HERC6: variants seen among roughly 807,000 people sequenced by gnomAD.
HERC6 encodes the protein HECT and RLD domain containing E3 ubiquitin protein ligase family member 6.
In HERC6, 101 loss-of-function variants were observed where a neutral mutation model predicts 114.5. The observed-to-expected ratio is 0.88, with a 90% CI of 0.75 to 1.04. The LOEUF (loss-of-function observed/expected upper bound fraction) is 1.04. HERC6 is among the 50% of genes least tolerant of loss of function. The pLI is 0.00. For synonymous variants in HERC6, 408 were observed against 436.2 expected (o/e 0.94, Z 0.81); for missense variants, 1,133 against 1,230.9 (o/e 0.92, Z 1.19).
Position 88,424,696 on chromosome 4 carries a change from G to A in HERC6, c.1929G>A (p.Lys643=), listed in dbSNP as rs1435983531. 1 of 1,583,984 alleles carries A rather than the reference G, an allele frequency of 6.3e-7. No homozygotes were observed. The highest frequency in any genetic ancestry group is 8.7e-7 in the Non-Finnish European group (1 of 1,155,540). ...IKLLQADSHI[K]MQMSEKKAYM... ...TATTGCAAGCTGATTCACATATAAA[G>A]ATGCAGGTATGTATGTCCTATTTTT... The change falls in exon 15 of 23, where the codon AAG becomes AAA. Residue 643 remains lysine, a synonymous_variant. Coordinates refer to ENST00000264346, the MANE Select transcript of HERC6 (RefSeq NM_017912.4).
rs1247719089 is a variant in HERC6 at position 88,435,866 on chromosome 4, A to C, written c.2392A>C (p.Lys798Gln). Residue 798 changes from lysine to glutamine, a missense_variant, in exon 18 of 23, where the codon AAA (lysine) becomes CAA (glutamine). By Grantham distance (53) the Lys-to-Gln change is moderately conservative. Around this residue, in one of 3 missense-constraint regions of HERC6, gnomAD observed 388 missense variants for 445.9 expected, o/e 0.87. Coordinates refer to ENST00000264346, the MANE Select transcript of HERC6 (RefSeq NM_017912.4). ...LDQKPSLEDL[K>Q]ELSPRLGKSL... ...CCAAAAGCCATCATTGGAAGATTTA[A>C]AAGAACTCAGTCCTCGGTTGGGGAA... 1 of 1,609,410 alleles carries C rather than the reference A, an allele frequency of 6.2e-7. No individual in the cohort carries two copies. The highest frequency in any genetic ancestry group is 1.3e-5 in the African/African-American group (1 of 74,682).
intron 4 of HERC6, among the ~76,000 whole-genome samples, chr4:88,391,313 T>A (rs144857637): frequency 1.4e-4 from 22 of 152,354 alleles, no homozygotes; most frequent in African/African-American, 4.1e-4. Flanking sequence ...CATAGACTCT[T>A]CTGCCTCCCT....
intron 13 of HERC6, among the ~76,000 whole-genome samples, chr4:88,423,642 C>T (rs1737299858): frequency 6.6e-6 from 1 of 152,186 alleles, no homozygotes; most frequent in Non-Finnish European, 1.5e-5. Context: ...TCCACACTGT[C>T]AGCGTCTTAT....
intron 4 of HERC6, among the ~76,000 whole-genome samples, chr4:88,392,389 C>T (rs1734969070): frequency 6.6e-6 from 1 of 150,866 alleles, no homozygotes; most frequent in African/African-American, 2.4e-5. Context: ...GGGGTTTCAC[C>T]ATGTTGCCCA....
At chr4:88,397,777 T>C (rs1290140907) in intron 7 of HERC6, among the ~76,000 whole-genome samples, 1 of 152,100 alleles carries the variant, frequency 6.6e-6, no homozygotes, top group African/African-American at 2.4e-5. Flanking sequence ...AACAATACAC[T>C]TTTTTTCCAT....
chr4:88,388,569 A>G (rs887164311), intron 3 of HERC6, among the ~76,000 whole-genome samples: 112 of 145,760 alleles, frequency 7.7e-4, no homozygotes, highest in African/African-American at 2.8e-3. Flanking sequence ...AAAAAAAAAA[A>G]GACAGATTAA....
intron 15 of HERC6, among the ~76,000 whole-genome samples, chr4:88,426,918 A>C (rs1737699550): frequency 6.6e-6 from 1 of 152,162 alleles, no homozygotes; most frequent in Non-Finnish European, 1.5e-5. Context: ...TTCCTTTCCA[A>C]ACCTAACTTT....
chr4:88,398,389 C>G, intron 8 of HERC6, 180 bp downstream of exon 8: 2 of 424,162 alleles, frequency 4.7e-6, no homozygotes, highest in Non-Finnish European at 8.3e-6. Context: ...TGTCAACTTT[C>G]CTAACAGATT....
chr4:88,378,954 G>A lies in HERC6; in HGVS notation c.33G>A (p.Glu11=). The part of the protein sequence containing the change: MYFCWGADSR[E]LQRRRTAGSP... ...TCTGTTGGGGCGCCGACTCCAGGGA[G>A]CTGCAGCGCCGGAGGACGGCGGGCA... is the stretch of plus-strand genomic sequence containing the variant. The change falls in exon 1 of 23, where the codon GAG becomes GAA. Residue 11 remains glutamate, a synonymous_variant. Transcript: ENST00000264346. 1 of 1,595,216 alleles carries A rather than the reference G, an allele frequency of 6.3e-7. No individual in the cohort carries two copies. Among genetic ancestry groups the A allele is most frequent in the South Asian group, 1.1e-5 (1 of 88,068 alleles).
chr4:88,396,691 C>G (rs893018982), intron 6 of HERC6, among the ~76,000 whole-genome samples, 160 bp from the exon 7 acceptor site: 1 of 152,204 alleles, frequency 6.6e-6, no homozygotes, highest in Non-Finnish European at 1.5e-5. Context: ...TAGCCACATC[C>G]TTTGATGCCC....
chr4:88,379,234 C>T (rs1734033838), intron 1 of HERC6, 114 bp downstream of exon 1: 2 of 844,842 alleles, frequency 2.4e-6, no homozygotes. Flanking sequence ...GTGAGGGGCG[C>T]GGGGGCCCAG....
chr4:88,424,030 C>A, intron 14 of HERC6, 57 bp downstream of exon 14: 2 of 797,626 alleles, frequency 2.5e-6, no homozygotes, highest in Non-Finnish European at 4.0e-6. Context: ...AGACACATTA[C>A]TGTAGTATCT....
intron 17 of HERC6, among the ~76,000 whole-genome samples, chr4:88,431,596 T>C (rs1234960362): frequency 2.6e-5 from 4 of 152,254 alleles, no homozygotes; most frequent in Non-Finnish European, 5.9e-5. Flanking sequence ...TAATAAATTA[T>C]ACTTGAGAAA....
At chr4:88,407,743 G>T (rs1735883127) in intron 10 of HERC6, among the ~76,000 whole-genome samples, 1 of 152,158 alleles carries the variant, frequency 6.6e-6, no homozygotes, top group Non-Finnish European at 1.5e-5. Context: ...TTTAAAAATG[G>T]TTAGGCTTAT....
At chr4:88,408,378 C>G (rs1343905437) in intron 10 of HERC6, 146 bp from the exon 11 acceptor site, 1 of 664,658 alleles carries the variant, frequency 1.5e-6, no homozygotes, top group Non-Finnish European at 2.7e-6. Context: ...TTTTTTATGT[C>G]AAGTAAGTTG....
intron 7 of HERC6, 112 bp downstream of exon 7, chr4:88,397,099 T>C: frequency 1.3e-6 from 1 of 783,700 alleles, no homozygotes; most frequent in South Asian, 4.6e-5. Flanking sequence ...CTAGTACTTT[T>C]ATTTTTATTT....
intron 18 of HERC6, 33 bp downstream of exon 18, chr4:88,435,924 T>C: frequency 6.7e-7 from 1 of 1,503,550 alleles, no homozygotes; most frequent in East Asian, 2.4e-5. Context: ...CAGGACCGTA[T>C]CTAGTAAGTC....
intron 10 of HERC6, 30 bp from the exon 11 acceptor site, chr4:88,408,494 T>A (rs755845879): frequency 1.5e-6 from 2 of 1,324,048 alleles, no homozygotes; most frequent in Admixed American, 3.8e-5. Context: ...CTTATGTTTA[T>A]GTGGTTTCTT....
intron 3 of HERC6, among the ~76,000 whole-genome samples, chr4:88,388,566 A>G (rs1734720151): frequency 6.7e-6 from 1 of 148,282 alleles, no homozygotes; most frequent in African/African-American, 2.6e-5. Context: ...AAAAAAAAAA[A>G]AAAGACAGAT....
Sources: gnomAD v4.1 joint callset for allele counts (sites outside exome capture counted in the v4.1 genomes callset) on GRCh38, gnomAD v4.1.1 for gene constraint, gnomAD v4.1.1 regional missense constraint, MANE v1.5 for transcripts, NCBI Gene and HGNC (gene_info 2026-07-23, HGNC 2026-07-21) for gene names.